FRY: variants seen among roughly 807,000 people sequenced by gnomAD.
FRY encodes protein furry homolog.
A neutral mutation model predicts 348.4 loss-of-function variants in FRY; 128 were observed. That is an observed-to-expected ratio of 0.37 (90% CI 0.32 to 0.43). FRY has a LOEUF of 0.43. Among genes scored for constraint, FRY ranks in the 20% least tolerant of loss-of-function variants. FRY has a pLI of 1.00. For missense variants in FRY, 2,736 were observed against 3,695.2 expected (o/e 0.74, Z 6.73); for synonymous variants, 1,370 against 1,374.7 (o/e 1.00, Z 0.08).
rs552110529 is a variant in FRY at position 32,144,593 on chromosome 13, G to A, written c.1180-2689G>A. ...TCCCAGATCATTTCTAAACAATTAC[G>A]AATTCTATAAAAATCAGTACCTAAA... On this transcript the variant is annotated intron_variant, in intron 11 of 60. Transcript: ENST00000542859. Among the ~76,000 whole-genome samples, 7 of 151,850 alleles carry A rather than the reference G, an allele frequency of 4.6e-5. No individual in the cohort carries two copies. The East Asian group carries it at 7.8e-4, about 17-fold the overall frequency.
At chr13:32,049,802 G>A (rs1415314060) in intron 1 of FRY, among the ~76,000 whole-genome samples, 2 of 152,088 alleles carry the variant, frequency 1.3e-5, no homozygotes, top group African/African-American at 4.8e-5. Flanking sequence ...TCAGAGTTTG[G>A]TATCTTCCCT....
At chr13:32,073,071 A>G (rs751801364) in intron 1 of FRY, among the ~76,000 whole-genome samples, 2 of 152,248 alleles carry the variant, frequency 1.3e-5, no homozygotes, top group Non-Finnish European at 2.9e-5. Context: ...GTAAAATTCC[A>G]GTAATGGGAG....
intron 1 of FRY, among the ~76,000 whole-genome samples, chr13:32,035,972 C>T (rs1377180894): frequency 6.6e-6 from 1 of 152,094 alleles, no homozygotes; most frequent in Non-Finnish European, 1.5e-5. Flanking sequence ...TCTGTTCAAC[C>T]TAGAAATACT....
intron 11 of FRY, among the ~76,000 whole-genome samples, chr13:32,143,497 G>A (rs1880210779): frequency 6.6e-6 from 1 of 152,076 alleles, no homozygotes; most frequent in South Asian, 2.1e-4. Context: ...GGAGGGACAG[G>A]ACAAATATTT....
rs75781260 is a variant in FRY at position 32,212,480 on chromosome 13, C to T, written c.4682+98C>T. ...TTTGTGGAGTTTCATAAATTTTACA[C>T]GTACATAAAAATCCTTCTTTGTTTT... On this transcript the variant is annotated intron_variant, in intron 35 of 60. Coordinates refer to ENST00000542859, the MANE Select transcript of FRY (RefSeq NM_023037.3). 3.9e-3 allele frequency: 2,972 copies of T among 756,128 alleles called. 63 individuals carry two copies. In the African/African-American group the frequency reaches 0.046, roughly 12 times the overall value. 46.8% of individuals were successfully genotyped at this position (756,128 alleles called of 1,614,324 possible).
intron 55 of FRY, among the ~76,000 whole-genome samples, chr13:32,274,503 G>A (rs1593836181): frequency 6.6e-6 from 1 of 150,704 alleles, no homozygotes; most frequent in Admixed American, 6.6e-5. Flanking sequence ...GTCAGATCGA[G>A]ACCATCCTGG....
At chr13:32,189,956 T>C (rs1381317749) in intron 28 of FRY, among the ~76,000 whole-genome samples, 2 of 152,152 alleles carry the variant, frequency 1.3e-5, no homozygotes, top group East Asian at 1.9e-4. Context: ...TGATTTACCA[T>C]GGTCAAATTG....
chr13:32,278,983 A>G (rs1295530382), intron 58 of FRY, among the ~76,000 whole-genome samples: 3 of 152,140 alleles, frequency 2.0e-5, no homozygotes, highest in East Asian at 1.9e-4. Context: ...GTGCCGTACT[A>G]TAAAGGAAAT....
At chr13:32,177,678 G>A (rs1290980604) in intron 20 of FRY, among the ~76,000 whole-genome samples, 1 of 152,118 alleles carries the variant, frequency 6.6e-6, no homozygotes, top group Non-Finnish European at 1.5e-5. Flanking sequence ...TCATAAAAGG[G>A]ATTGTGCTTA....
At chr13:32,246,454 G>A (rs765962378) in intron 47 of FRY, among the ~76,000 whole-genome samples, 1 of 152,220 alleles carries the variant, frequency 6.6e-6, no homozygotes, top group Admixed American at 6.5e-5. Flanking sequence ...ATTCAAGGAT[G>A]AGGGCATAGC....
intron 51 of FRY, among the ~76,000 whole-genome samples, chr13:32,260,066 C>A (rs1240146324): frequency 1.3e-5 from 2 of 152,162 alleles, no homozygotes; most frequent in Admixed American, 6.5e-5. Flanking sequence ...ATAGCCCAAG[C>A]AGACTTTGAA....
chr13:32,140,292 T>A (rs1879982250), intron 11 of FRY, among the ~76,000 whole-genome samples: 1 of 152,202 alleles, frequency 6.6e-6, no homozygotes, highest in Non-Finnish European at 1.5e-5. Flanking sequence ...TTTATGCATT[T>A]CCAAATATTT....
At chr13:32,283,283 A>T (rs1888902139) in intron 58 of FRY, among the ~76,000 whole-genome samples, 1 of 152,198 alleles carries the variant, frequency 6.6e-6, no homozygotes, top group African/African-American at 2.4e-5. Flanking sequence ...AGCAAGCACT[A>T]AGTGTAGACT....
At chr13:32,085,717 C>T (rs1875812449) in intron 2 of FRY, 1 of 358,432 alleles carries the variant, frequency 2.8e-6, no homozygotes, top group Non-Finnish European at 5.5e-6. Flanking sequence ...GGTATATTTC[C>T]TCAGAAGTCA....
chr13:32,258,288 A>G (rs1241714156), intron 51 of FRY, among the ~76,000 whole-genome samples: 13 of 152,210 alleles, frequency 8.5e-5, no homozygotes, highest in Admixed American at 8.5e-4. Flanking sequence ...TGGTTGCACA[A>G]CTGGATGGGT....
chr13:32,197,715 A>G (rs1883759393), intron 29 of FRY, among the ~76,000 whole-genome samples: 1 of 152,246 alleles, frequency 6.6e-6, no homozygotes, highest in Non-Finnish European at 1.5e-5. Flanking sequence ...CTGTGAAGTA[A>G]TCCCCTCAAT....
intron 6 of FRY, 32 bp from the exon 7 acceptor site, chr13:32,124,763 A>T: frequency 6.4e-7 from 1 of 1,556,024 alleles, no homozygotes. Flanking sequence ...ATGACCAGGG[A>T]TCCCTAACTT....
rs541283868 is a variant in FRY, at chr13:32,078,001, T to C, written c.71-833T>C. Reference sequence around the variant, plus strand: ...ACAAGGGCTTGTGTGGGAGGGGTGGTAGAATTTAACATATCAAAGTACTGT... The same window carrying C: ...ACAAGGGCTTGTGTGGGAGGGGTGGCAGAATTTAACATATCAAAGTACTGT... On this transcript the variant is annotated intron_variant, in intron 1 of 60. Coordinates refer to ENST00000542859, the MANE Select transcript of FRY (RefSeq NM_023037.3). Among the ~76,000 whole-genome samples, 10 of 152,280 alleles carry C rather than the reference T, an allele frequency of 6.6e-5. No homozygotes were observed. In the East Asian group the frequency reaches 1.9e-3, roughly 29 times the overall value.
Position 32,295,656 on chromosome 13 carries a change from G to A in FRY, c.*196G>A, listed in dbSNP as rs769907510. On this transcript the variant is annotated 3_prime_UTR_variant, in exon 61 of 61. Transcript: ENST00000542859. ...TATAAGAACCAAGGTAGCTTAGAAC[G>A]TCCTGGACAGACTCCACTCATCATG... The A allele has an allele frequency of 3.5e-4, 212 of 608,440 alleles. No homozygotes were observed. The highest frequency in any genetic ancestry group is 6.7e-4 in the Admixed American group (24 of 35,816). The allele number at this position is 608,440 out of a possible 1,614,324, so 37.7% of individuals were successfully genotyped here.
Sources: gnomAD v4.1 joint callset for allele counts (sites outside exome capture counted in the v4.1 genomes callset) on GRCh38, gnomAD v4.1.1 for gene constraint, MANE v1.5 for transcripts, NCBI Gene and HGNC (gene_info 2026-07-23, HGNC 2026-07-21) for gene names.